ZSCAN25: variants seen among roughly 807,000 people sequenced by gnomAD.
The protein encoded by ZSCAN25 is zinc finger and SCAN domain containing 25, also known as zinc finger and SCAN domain-containing protein 25.
A neutral mutation model predicts 38.7 loss-of-function variants in ZSCAN25; 27 were observed. The observed-to-expected ratio is 0.70, with a 90% CI of 0.51 to 0.96. The LOEUF (loss-of-function observed/expected upper bound fraction) is 0.96, where lower values mean the gene tolerates loss of function less well. Among genes scored for constraint, ZSCAN25 ranks in the 40% least tolerant of loss-of-function variants. The probability of loss-of-function intolerance (pLI) is 0.00; values close to 1 mark genes in which losing one functional copy is unlikely to be tolerated. For synonymous variants in ZSCAN25, 273 were observed against 277.7 expected, an observed-to-expected ratio of 0.98 and a Z score of 0.17; for missense variants, 637 against 705.9, an observed-to-expected ratio of 0.90 and a Z score of 1.11.
the ZSCAN25 span, chr7:99,700,131 C>T: frequency 2.4e-6 from 2 of 834,606 alleles, no homozygotes; most frequent in East Asian, 2.5e-5. Context: ...CTGCCCTGCA[C>T]AGCAGTCTTA....
chr7:99,644,106 C>A, the ZSCAN25 span, among the ~76,000 whole-genome samples: 12 of 152,272 alleles, frequency 7.9e-5, no homozygotes, highest in Admixed American at 7.2e-4. Context: ...TGTTTGCTGT[C>A]ATCGTCCTTG....
chr7:99,678,234 C>T, the ZSCAN25 span, among the ~76,000 whole-genome samples: 2 of 152,214 alleles, frequency 1.3e-5, no homozygotes, highest in Non-Finnish European at 2.9e-5. Flanking sequence ...TGTGTCCAGG[C>T]TTGAAGCAGA....
the ZSCAN25 span, among the ~76,000 whole-genome samples, chr7:99,685,867 A>G: frequency 6.6e-6 from 1 of 152,230 alleles, no homozygotes; most frequent in African/African-American, 2.4e-5. Flanking sequence ...TCCCAGCATC[A>G]CGTTCTTTCC....
chr7:99,719,024 A>T, the ZSCAN25 span, among the ~76,000 whole-genome samples: 1 of 152,244 alleles, frequency 6.6e-6, no homozygotes, highest in African/African-American at 2.4e-5. Flanking sequence ...ATGGAGAGGC[A>T]TACTATGTTC....
At chr7:99,697,899 T>C in the ZSCAN25 span, among the ~76,000 whole-genome samples, 2 of 152,206 alleles carry the variant, frequency 1.3e-5, no homozygotes, top group Middle Eastern at 3.2e-3. Context: ...ATGACACTAA[T>C]CTCTGCTTCT....
chr7:99,659,883 G>A, the ZSCAN25 span: 6 of 149,908 alleles, frequency 4.0e-5, no homozygotes, highest in Non-Finnish European at 7.3e-5. Flanking sequence ...CCATGCGCGG[G>A]ATATAATCTC....
the ZSCAN25 span, among the ~76,000 whole-genome samples, chr7:99,715,165 A>G: frequency 3.9e-5 from 6 of 152,248 alleles, no homozygotes; most frequent in African/African-American, 7.2e-5. Flanking sequence ...TAAGCAACCA[A>G]TAAGTTGAAG....
chr7:99,633,361 A>G (rs1808135952), downstream of ZSCAN25, among the ~76,000 whole-genome samples: 1 of 152,150 alleles, frequency 6.6e-6, no homozygotes, highest in South Asian at 2.1e-4. Context: ...AGTTCTGTAA[A>G]TGCTTCATCA....
chr7:99,636,513 C>T (rs13307274), downstream of ZSCAN25, among the ~76,000 whole-genome samples: 4 of 152,180 alleles, frequency 2.6e-5, no homozygotes, highest in Non-Finnish European at 5.9e-5. Context: ...ATGGCCAAAG[C>T]GTGAAGGACC....
In ZSCAN25 at chr7:99,629,384, C is replaced by T; in HGVS notation, c.999C>T (p.Pro333=). The change falls in exon 8 of 8, where the codon CCC becomes CCT. Residue 333 remains proline, a synonymous_variant. Transcript: ENST00000394152. The surrounding 1 kb of genome is among the most constrained non-coding windows in gnomAD (Gnocchi z 5.6). ...GLPPPQHGAI[P]LPDEVKTHSS... is the part of the protein sequence containing the mutation. ...CTCCTCCCCAGCACGGTGCCATCCC[C>T]CTGCCTGACGAAGTCAAAACCCACA... The T allele has an allele frequency of 1.2e-6, 2 of 1,614,236 alleles. No homozygotes were observed. The highest frequency in any genetic ancestry group is 1.1e-5 in the South Asian group (1 of 91,090).
chr7:99,709,378 G>C, the ZSCAN25 span: 1 of 1,444,252 alleles, frequency 6.9e-7, no homozygotes. Context: ...ACTGGCAAAG[G>C]ATTGTAGCAT....
the ZSCAN25 span, chr7:99,707,768 A>T: frequency 6.2e-7 from 1 of 1,611,980 alleles, no homozygotes; most frequent in Non-Finnish European, 8.5e-7. Flanking sequence ...ATTCAGTTAA[A>T]ATAATTGTTA....
At chr7:99,716,889 AC>A in the ZSCAN25 span, among the ~76,000 whole-genome samples, 2 of 152,172 alleles carry the variant, frequency 1.3e-5, no homozygotes, top group Admixed American at 1.3e-4. Flanking sequence ...ATACAATCAC[AC>A]TTTTCCCCCT....
the ZSCAN25 span, among the ~76,000 whole-genome samples, chr7:99,729,154 C>T: frequency 4.6e-5 from 7 of 152,256 alleles, no homozygotes; most frequent in East Asian, 1.4e-3. Flanking sequence ...ATTCTTAGTC[C>T]TCTGGTACCT....
chr7:99,683,408 A>T, the ZSCAN25 span, among the ~76,000 whole-genome samples: 1 of 152,288 alleles, frequency 6.6e-6, no homozygotes, highest in South Asian at 2.1e-4. Context: ...TTATCTTTTT[A>T]TCACCTATCT....
chr7:99,698,136 A>T, the ZSCAN25 span, among the ~76,000 whole-genome samples: 1 of 152,184 alleles, frequency 6.6e-6, no homozygotes, highest in Non-Finnish European at 1.5e-5. Context: ...AAAGCCAGTC[A>T]TCTATTGCAC....
intron 7 of ZSCAN25, among the ~76,000 whole-genome samples, chr7:99,628,840 G>A (rs1234335974): frequency 1.3e-5 from 2 of 152,198 alleles, no homozygotes; most frequent in Non-Finnish European, 2.9e-5. Context: ...CATGTAAATA[G>A]GTACAGAATA....
the ZSCAN25 span, among the ~76,000 whole-genome samples, chr7:99,662,310 C>A: frequency 6.6e-6 from 1 of 152,172 alleles, no homozygotes; most frequent in South Asian, 2.1e-4. This position sits in a 1 kb window ranked among gnomAD's most constrained non-coding sequence, Gnocchi z 4.3. Context: ...CTAGTAGATA[C>A]AAGACTGAAG....
chr7:99,666,732 C>G, the ZSCAN25 span: 1 of 1,613,702 alleles, frequency 6.2e-7, no homozygotes, highest in Non-Finnish European at 8.5e-7. Context: ...AATGTGCAGA[C>G]TCAAGTCCCA....
Sources: gnomAD v4.1 joint callset for allele counts (sites outside exome capture counted in the v4.1 genomes callset) on GRCh38, gnomAD v4.1.1 for gene constraint, Gnocchi (gnomAD v3.1) non-coding constraint, MANE v1.5 for transcripts, NCBI Gene and HGNC (gene_info 2026-07-23, HGNC 2026-07-21) for gene names.